Variants in SPECC1 observed in about 807,000 individuals in gnomAD.
SPECC1 encodes the protein sperm antigen with calponin homology and coiled-coil domains 1, also known as cytospin-B.
Under a neutral mutation model 104.1 loss-of-function variants are expected in SPECC1, and 62 were observed. That is an observed-to-expected ratio of 0.60 (90% CI 0.49 to 0.74). The LOEUF (loss-of-function observed/expected upper bound fraction) is 0.74. Ranked by LOEUF, SPECC1 falls within the 30% of genes least tolerant of loss-of-function variation. The pLI, the probability that SPECC1 is intolerant of heterozygous loss-of-function variation, is 0.00. For synonymous variants in SPECC1, 513 were observed against 501.6 expected, an observed-to-expected ratio of 1.02 and a Z score of -0.30; for missense variants, 1,306 against 1,310.5, an observed-to-expected ratio of 1.00 and a Z score of 0.05.
chr17:20,188,889 G>T (rs1321589604), intron 3 of SPECC1, among the ~76,000 whole-genome samples: 4 of 152,122 alleles, frequency 2.6e-5, no homozygotes, highest in Non-Finnish European at 5.9e-5. Context: ...GAAATAAACA[G>T]GATTTTGCGT....
chr17:20,022,919 C>G (rs575011829), intron 1 of SPECC1, among the ~76,000 whole-genome samples: 2 of 152,296 alleles, frequency 1.3e-5, no homozygotes, highest in South Asian at 4.1e-4. Flanking sequence ...TGGGTGTCAG[C>G]ATGGCAGCAG....
intron 12 of SPECC1, among the ~76,000 whole-genome samples, chr17:20,268,612 G>C (rs537309621): frequency 2.6e-5 from 4 of 152,302 alleles, no homozygotes; most frequent in South Asian, 4.1e-4. Flanking sequence ...CAGATGCGCG[G>C]CACTGTGGGC....
chr17:20,146,536 C>A (rs1039439901), intron 3 of SPECC1, among the ~76,000 whole-genome samples: 1 of 152,048 alleles, frequency 6.6e-6, no homozygotes, highest in Non-Finnish European at 1.5e-5. Context: ...TTTGTGTAGA[C>A]CTAAGTTTTC....
At position 20,205,142 on chromosome 17, in the gene SPECC1, G is replaced by T. The variant is rs367591049; in HGVS notation, c.1093G>T (p.Val365Leu). The change falls in exon 4 of 15, where the codon GTA becomes TTA. Residue 365 changes from valine (V) to leucine (L), a missense_variant. Around this residue, in one of 2 missense-constraint regions of SPECC1, gnomAD observed 1,177 missense variants for 1,139.9 expected, o/e 1.03. Transcript: ENST00000395527. ...TACTGCTGGGAGTTCCCCAAACAGC[G>T]TAAGTGAATTGTCCCTGGCTTCCCT... ...CSTAGSSPNSVSELSLASLTE... is the reference protein window; with the variant it reads ...CSTAGSSPNSLSELSLASLTE... 1.2e-6 allele frequency: 2 copies of T among 1,614,082 alleles called. No individual in the cohort carries two copies. The highest frequency in any genetic ancestry group is 2.2e-5 in the East Asian group (1 of 44,874).
intron 3 of SPECC1, among the ~76,000 whole-genome samples, chr17:20,176,025 A>G (rs1458173106): frequency 6.6e-6 from 1 of 152,174 alleles, no homozygotes; most frequent in Admixed American, 6.5e-5. Context: ...TAAATGCGCA[A>G]ATTTCTGCAG....
intron 3 of SPECC1, among the ~76,000 whole-genome samples, chr17:20,196,747 C>A (rs780944686): frequency 6.6e-6 from 1 of 152,152 alleles, no homozygotes; most frequent in South Asian, 2.1e-4. Context: ...TGTCCCCAGG[C>A]CTTATCTAGA....
intron 3 of SPECC1, among the ~76,000 whole-genome samples, chr17:20,150,263 G>A (rs921404931): frequency 1.3e-4 from 19 of 151,026 alleles, no homozygotes; most frequent in Admixed American, 4.0e-4. Context: ...GATTACAGGC[G>A]TGAGCCACTG....
chr17:20,205,749 A>AGCT lies in SPECC1; in HGVS notation c.1701_1702insCTG (p.Glu567_Ala568insLeu). The AGCT allele has an allele frequency of 6.2e-7, 1 of 1,614,226 alleles. No homozygotes were observed. The highest frequency in any genetic ancestry group is 2.2e-5 in the East Asian group (1 of 44,886). On this transcript the variant is annotated inframe_insertion, in exon 4 of 15. Transcript: ENST00000395527. ...CAGGGTGAGAAGCAGAAAGCCACAGAGGCCAGTGCTGTGGAGCAGACGGCA... is the reference window on the plus strand; with the variant it reads ...CAGGGTGAGAAGCAGAAAGCCACAGAGCTGGCCAGTGCTGTGGAGCAGACGGCA...
chr17:20,198,023 G>T (rs981814370), intron 3 of SPECC1, among the ~76,000 whole-genome samples: 5 of 152,200 alleles, frequency 3.3e-5, no homozygotes, highest in African/African-American at 1.2e-4. Flanking sequence ...AGCATGCCAG[G>T]CTTCTGGGTT....
chr17:20,097,523 AGAT>A (rs1205084116), intron 2 of SPECC1, among the ~76,000 whole-genome samples: 1 of 152,238 alleles, frequency 6.6e-6, no homozygotes, highest in Non-Finnish European at 1.5e-5. Context: ...GCTACAATGC[AGAT>A]GGATTTGAGA....
intron 1 of SPECC1, among the ~76,000 whole-genome samples, chr17:20,081,925 A>G (rs1003292622): frequency 5.9e-5 from 9 of 152,142 alleles, no homozygotes; most frequent in African/African-American, 2.2e-4. Flanking sequence ...CCCCACCTGC[A>G]GCTGGCTGGC....
chr17:20,045,480 A>T (rs770585125), intron 1 of SPECC1, among the ~76,000 whole-genome samples: 4 of 152,204 alleles, frequency 2.6e-5, no homozygotes, highest in African/African-American at 9.7e-5. Flanking sequence ...ATGTTTTGCC[A>T]GTTGTTCTAA....
intron 4 of SPECC1, among the ~76,000 whole-genome samples, chr17:20,226,071 G>GA (rs996832306): frequency 2.6e-5 from 4 of 152,032 alleles, no homozygotes; most frequent in African/African-American, 7.3e-5. Context: ...AATGTAATTG[G>GA]AAAAAAATTT....
chr17:20,141,628 A>G lies in SPECC1; in HGVS notation c.283+31066A>G, dbSNP rs181753617. Among the ~76,000 whole-genome samples, 71 of 152,284 alleles carry G rather than the reference A, an allele frequency of 4.7e-4. 1 individual carries two copies. Among genetic ancestry groups the G allele is most frequent in the Admixed American group, 3.9e-3 (60 of 15,300 alleles). On this transcript the variant is annotated intron_variant, in intron 3 of 14. Transcript: ENST00000395527. Reference sequence around the variant, plus strand: ...CCAGTGAATTTTAGTGAATTGACTGAGTTACAACCATCACCGCAGATGAGT... The same window carrying G: ...CCAGTGAATTTTAGTGAATTGACTGGGTTACAACCATCACCGCAGATGAGT...
chr17:20,203,151 C>G (rs1367080997), intron 3 of SPECC1, among the ~76,000 whole-genome samples: 1 of 152,092 alleles, frequency 6.6e-6, no homozygotes, highest in Non-Finnish European at 1.5e-5. Flanking sequence ...CGTGCCCTTC[C>G]TACACTGTAG....
In SPECC1 at chr17:20,315,067, T is replaced by G. The variant is rs1346543859; in HGVS notation, c.*1002T>G. 4.3e-6 allele frequency: 1 copy of G among 232,742 alleles called. No homozygotes were observed. Among genetic ancestry groups the G allele is most frequent in the African/African-American group, 2.2e-5 (1 of 45,330 alleles). 14.4% of individuals were successfully genotyped at this position (232,742 alleles called of 1,614,324 possible). ...CCCTCCCGTTCACATCCACACAGGC[T>G]TGTACCCCACAGAACTTGACAGGAG... On this transcript the variant is annotated 3_prime_UTR_variant, in exon 15 of 15. Transcript: ENST00000395527.
At chr17:20,099,710 A>AG in intron 2 of SPECC1, among the ~76,000 whole-genome samples, 1 of 148,872 alleles carries the variant, frequency 6.7e-6, no homozygotes, top group Non-Finnish European at 1.5e-5. Flanking sequence ...AAAAAAAAAA[A>AG]AAAAAAAAAA....
intron 3 of SPECC1, among the ~76,000 whole-genome samples, chr17:20,122,447 G>A (rs2049082424): frequency 6.6e-6 from 1 of 152,154 alleles, no homozygotes; most frequent in Non-Finnish European, 1.5e-5. Flanking sequence ...ATATTCTGAA[G>A]GGGAGAGCCA....
intron 12 of SPECC1, among the ~76,000 whole-genome samples, chr17:20,296,206 A>G (rs1292985910): frequency 6.6e-6 from 1 of 152,226 alleles, no homozygotes; most frequent in Non-Finnish European, 1.5e-5. Context: ...TCTAAGGTGT[A>G]AGGAAGGGAT....
Sources: gnomAD v4.1 joint callset for allele counts (sites outside exome capture counted in the v4.1 genomes callset) on GRCh38, gnomAD v4.1.1 for gene constraint, gnomAD v4.1.1 regional missense constraint, MANE v1.5 for transcripts, NCBI Gene and HGNC (gene_info 2026-07-23, HGNC 2026-07-21) for gene names.